Variants in KIAA1614 observed in about 807,000 individuals in gnomAD.
KIAA1614 encodes KIAA1614.
A neutral mutation model predicts 88.7 loss-of-function variants in KIAA1614; 76 were observed. That is an observed-to-expected ratio of 0.86 (90% CI 0.71 to 1.04). The LOEUF is 1.04. Ranked by LOEUF, KIAA1614 falls within the 50% of genes least tolerant of loss-of-function variation. The pLI is 0.00. For missense variants in KIAA1614, 1,553 were observed against 1,582.5 expected, an observed-to-expected ratio of 0.98 and a Z score of 0.32; for synonymous variants, 714 against 675.5, an observed-to-expected ratio of 1.06 and a Z score of -0.88.
chr1:180,926,938 G>C (rs891925560), intron 3 of KIAA1614, among the ~76,000 whole-genome samples: 6 of 152,192 alleles, frequency 3.9e-5, no homozygotes, highest in Admixed American at 1.3e-4. Flanking sequence ...GCCATGCCTG[G>C]GCCCTGCCAG....
At chr1:180,942,743 C>T (rs1654496493) in intron 7 of KIAA1614, among the ~76,000 whole-genome samples, 1 of 152,152 alleles carries the variant, frequency 6.6e-6, no homozygotes, top group Non-Finnish European at 1.5e-5. Context: ...GTAAGCCCTC[C>T]AAGGCAAACA....
intron 6 of KIAA1614, among the ~76,000 whole-genome samples, chr1:180,940,237 A>T (rs1277470288): frequency 6.6e-6 from 1 of 152,240 alleles, no homozygotes; most frequent in Admixed American, 6.5e-5. Flanking sequence ...GCAGTGGCTC[A>T]TGCCTATAAT....
chr1:180,917,780 G>A, intron 2 of KIAA1614, 71 bp from the exon 3 acceptor site: 1 of 1,233,148 alleles, frequency 8.1e-7, no homozygotes, highest in Non-Finnish European at 1.2e-6. Context: ...TCTCCTCAGT[G>A]TTCACTAAGT....
intron 1 of KIAA1614, among the ~76,000 whole-genome samples, chr1:180,914,581 G>A (rs1330474231): frequency 9.2e-5 from 14 of 151,884 alleles, no homozygotes; most frequent in Non-Finnish European, 1.8e-4. Context: ...ACAGAGTCTC[G>A]CTCTATCGCC....
chr1:180,921,861 C>T (rs978760504), intron 3 of KIAA1614, among the ~76,000 whole-genome samples: 2 of 152,172 alleles, frequency 1.3e-5, no homozygotes, highest in African/African-American at 2.4e-5. Context: ...AATAGGGGGC[C>T]GCGCTCAGGC....
intron 7 of KIAA1614, among the ~76,000 whole-genome samples, chr1:180,943,743 T>G (rs1244966501): frequency 6.6e-6 from 1 of 151,760 alleles, no homozygotes; most frequent in East Asian, 1.9e-4. Context: ...AGACAGGGTT[T>G]CACCATGTTG....
chr1:180,935,238 G>C lies in KIAA1614; in HGVS notation c.1329G>C (p.Arg443=). Residue 443 remains arginine (R), a synonymous_variant, in exon 5 of 9, where the codon CGG becomes CGC. Transcript: ENST00000367588. The surrounding 1 kb of genome is among the most constrained non-coding windows in gnomAD (Gnocchi z 6.1). ...CCAGCGGTGGGCACAGGCCGAGGCG[G>C]GGCCCCTCGCCGTCGCACGTGCGCT... ...GESSGGHRPR[R]GPSPSHVRFE... is the part of the protein sequence containing the mutation. The C allele has an allele frequency of 6.5e-7, 1 of 1,533,260 alleles. No individual in the cohort carries two copies. Among genetic ancestry groups the C allele is most frequent in the Non-Finnish European group, 8.7e-7 (1 of 1,143,114 alleles). 95.0% of individuals were successfully genotyped at this position (1,533,260 alleles called of 1,614,324 possible).
Position 180,944,441 on chromosome 1 carries a change from C to A in KIAA1614, c.3212C>A (p.Ser1071Tyr), listed in dbSNP as rs780733275. The change falls in exon 8 of 9, where the codon TCT (serine) becomes TAT (tyrosine). Residue 1071 changes from serine (S) to tyrosine (Y), a missense_variant. Transcript: ENST00000367588. ...GCTGCCTCTTTTCAGAACCTCCATT[C>A]TCTGCTGAGCAGCAAGGGGAACCGG... The part of the protein sequence containing the change: ...RKAASFQNLH[S>Y]LLSSKGNRSS... The A allele has an allele frequency of 1.2e-6, 2 of 1,614,016 alleles. No homozygotes were observed. Among genetic ancestry groups the A allele is most frequent in the Non-Finnish European group, 1.7e-6 (2 of 1,179,890 alleles).
Position 180,916,299 on chromosome 1 carries a change from G to GC in KIAA1614, c.202dup (p.Gln68ProfsTer82), listed in dbSNP as rs1463220867. On this transcript the variant is annotated frameshift_variant, in exon 2 of 9. Transcript: ENST00000367588. LOFTEE classifies it high-confidence loss of function. Reference sequence around the variant, plus strand: ...GGAAAACAGAACATCCAGCCTGATGGCCCCCCAGCCTCCCAGGGTATGGGG... The same window carrying GC: ...GGAAAACAGAACATCCAGCCTGATGGCCCCCCCAGCCTCCCAGGGTATGGGG... 4 of 1,613,788 alleles carry GC rather than the reference G, an allele frequency of 2.5e-6. No individual in the cohort carries two copies. Among genetic ancestry groups the GC allele is most frequent in the Non-Finnish European group, 3.4e-6 (4 of 1,179,900 alleles).
At chr1:180,929,941 C>T (rs1433829762) in intron 4 of KIAA1614, among the ~76,000 whole-genome samples, 5 of 152,200 alleles carry the variant, frequency 3.3e-5, no homozygotes, top group Non-Finnish European at 4.4e-5. Flanking sequence ...CCGAACTGCT[C>T]ATTAAAGGCT....
chr1:180,937,777 C>A (rs141485599), intron 5 of KIAA1614, among the ~76,000 whole-genome samples: 315 of 152,298 alleles, frequency 2.1e-3, no homozygotes, highest in African/African-American at 7.0e-3. Flanking sequence ...CTTGAGGCAA[C>A]CGCCTCCCCC....
intron 4 of KIAA1614, among the ~76,000 whole-genome samples, chr1:180,932,530 G>T (rs541577055): frequency 1.3e-5 from 2 of 152,100 alleles, no homozygotes; most frequent in Non-Finnish European, 2.9e-5. Flanking sequence ...CATATTGTGC[G>T]TCCTTGGCAT....
At chr1:180,934,783 C>T (rs1054939104) in intron 4 of KIAA1614, among the ~76,000 whole-genome samples, 1 of 152,154 alleles carries the variant, frequency 6.6e-6, no homozygotes, top group African/African-American at 2.4e-5. Flanking sequence ...CCGCACCACC[C>T]CAGCAACACA....
At chr1:180,938,498 C>A in intron 5 of KIAA1614, 57 bp from the exon 6 acceptor site, 2 of 1,581,206 alleles carry the variant, frequency 1.3e-6, no homozygotes, top group South Asian at 1.2e-5. Context: ...CCCATTCCCC[C>A]ACAGGACCTG....
chr1:180,935,859 G>A lies in KIAA1614; in HGVS notation c.1950G>A (p.Arg650=). 1.2e-6 allele frequency: 2 copies of A among 1,613,742 alleles called. No homozygotes were observed. The highest frequency in any genetic ancestry group is 8.5e-7 in the Non-Finnish European group (1 of 1,179,904). Residue 650 remains arginine, a synonymous_variant, in exon 5 of 9, where the codon CGG becomes CGA. Transcript: ENST00000367588. This position sits in a 1 kb window ranked among gnomAD's most constrained non-coding sequence, Gnocchi z 6.1. ...GCAGCAGCCCGCGACTGCGACTGCG[G>A]GGCTCCAGGCCTCGAGGCCACAGGT... The part of the protein sequence containing the change: ...TQGSSPRLRL[R]GSRPRGHRWS...
At chr1:180,932,878 T>C (rs1014838037) in intron 4 of KIAA1614, among the ~76,000 whole-genome samples, 3 of 152,212 alleles carry the variant, frequency 2.0e-5, no homozygotes, top group African/African-American at 7.2e-5. Flanking sequence ...TAGCTGGGAC[T>C]ACAGGCACGC....
At position 180,916,349 on chromosome 1, in the gene KIAA1614, G is replaced by A; in HGVS notation, c.246G>A (p.Val82=). The A allele has an allele frequency of 6.2e-7, 1 of 1,614,178 alleles. No individual in the cohort carries two copies. The highest frequency in any genetic ancestry group is 2.2e-5 in the East Asian group (1 of 44,882). The change falls in exon 2 of 9, where the codon GTG becomes GTA. Residue 82 remains valine, a synonymous_variant. Transcript: ENST00000367588. The part of the protein sequence containing the change: ...VWGVQLQGPS[V]LESKVRALKE... ...GAGTACAGCTCCAGGGCCCCTCTGT[G>A]CTGGAATCCAAGGTGAGGGCTTTGA...
rs928835349 is a variant in KIAA1614, at chr1:180,935,637, G to A, written c.1728G>A (p.Leu576=). The change falls in exon 5 of 9, where the codon CTG becomes CTA. Residue 576 remains leucine (L), a synonymous_variant. Transcript: ENST00000367588. The surrounding 1 kb of genome is among the most constrained non-coding windows in gnomAD (Gnocchi z 6.1). ...ACGMERVLGG[L]SSPLRLLPAE... is the part of the protein sequence containing the mutation. ...GGATGGAGAGGGTGCTGGGTGGCCTGAGCTCCCCACTCCGGCTCCTTCCTG... is the reference window on the plus strand; with the variant it reads ...GGATGGAGAGGGTGCTGGGTGGCCTAAGCTCCCCACTCCGGCTCCTTCCTG... 3 of 1,611,836 alleles carry A rather than the reference G, an allele frequency of 1.9e-6. No individual in the cohort carries two copies. In the African/African-American group the frequency reaches 4.0e-5, roughly 22 times the overall value.
chr1:180,921,715 A>G (rs576011007), intron 3 of KIAA1614, among the ~76,000 whole-genome samples: 3 of 152,198 alleles, frequency 2.0e-5, no homozygotes, highest in South Asian at 4.2e-4. Flanking sequence ...TTTTTCTCCT[A>G]GGTCACTATT....
Sources: gnomAD v4.1 joint callset for allele counts (sites outside exome capture counted in the v4.1 genomes callset) on GRCh38, gnomAD v4.1.1 for gene constraint, Gnocchi (gnomAD v3.1) non-coding constraint, MANE v1.5 for transcripts, NCBI Gene and HGNC (gene_info 2026-07-23, HGNC 2026-07-21) for gene names.